Variants in NPAS1 observed in about 807,000 individuals in gnomAD.
The protein encoded by NPAS1 is neuronal PAS domain-containing protein 1.
In NPAS1, 29 loss-of-function variants were observed where a neutral mutation model predicts 49.2. The observed-to-expected ratio is 0.59, with a 90% CI of 0.44 to 0.80. The LOEUF (loss-of-function observed/expected upper bound fraction) is 0.80, where lower values mean the gene tolerates loss of function less well. Ranked by LOEUF, NPAS1 falls within the 30% of genes least tolerant of loss-of-function variation. NPAS1 has a pLI of 0.00. For synonymous variants in NPAS1, 408 were observed against 380.4 expected (o/e 1.07, Z -0.84); for missense variants, 825 against 835.5 (o/e 0.99, Z 0.15).
chr19:47,021,200 GCCCCCC>G lies in NPAS1; in HGVS notation c.122+35_122+40del. On this transcript the variant is annotated intron_variant, in intron 2 of 11. Transcript: ENST00000602212. This position sits in a 1 kb window ranked among gnomAD's most constrained non-coding sequence, Gnocchi z 5.7. ...CAAAGCCCCGCCCCCCTGGCCGCGG[GCCCCCC>G]CCCGGGTCCAATTCACACCCGATGT... The G allele has an allele frequency of 1.4e-6, 2 of 1,423,006 alleles. No homozygotes were observed. Among genetic ancestry groups the G allele is most frequent in the Non-Finnish European group, 1.9e-6 (2 of 1,068,856 alleles). 88.1% of individuals were successfully genotyped at this position (1,423,006 alleles called of 1,614,324 possible).
In NPAS1 at chr19:47,021,859, T is replaced by A; in HGVS notation, c.358+12T>A. 7.0e-7 allele frequency: 1 copy of A among 1,437,362 alleles called. No homozygotes were observed. Among genetic ancestry groups the A allele is most frequent in the Non-Finnish European group, 9.1e-7 (1 of 1,098,816 alleles). 89.0% of individuals were successfully genotyped at this position (1,437,362 alleles called of 1,614,324 possible). ...GCCAGCTGGCCTCGGTGAGTGCTCA[T>A]GCGCGGGGCGAGGGTCCCGGGGCCC... On this transcript the variant is annotated intron_variant, in intron 3 of 11. Transcript: ENST00000602212. The surrounding 1 kb of genome is among the most constrained non-coding windows in gnomAD (Gnocchi z 5.7).
intron 3 of NPAS1, among the ~76,000 whole-genome samples, chr19:47,027,310 TG>T: frequency 8.3e-6 from 1 of 120,548 alleles, no homozygotes; most frequent in Non-Finnish European, 1.8e-5. Flanking sequence ...CCTTGGCTTC[TG>T]CCTTCTGCCC....
In NPAS1 at chr19:47,019,884, T is replaced by TGCGCCCCGC. The variant is rs2056827576; in HGVS notation, c.-147_-139dup. 2.8e-6 allele frequency: 1 copy of TGCGCCCCGC among 354,858 alleles called. No individual in the cohort carries two copies. Among genetic ancestry groups the TGCGCCCCGC allele is most frequent in the Admixed American group, 4.7e-5 (1 of 21,186 alleles). The allele number at this position is 354,858 out of a possible 1,614,324, so 22.0% of individuals were successfully genotyped here. On this transcript the variant is annotated 5_prime_UTR_variant, in exon 1 of 12. Transcript: ENST00000602212. Reference sequence around the variant, plus strand: ...GGGCGCCACAGCCCGCGCGTCCCGCTGCGCCCCGCGCGCCCCGGGGTCTAT... The same window carrying TGCGCCCCGC: ...GGGCGCCACAGCCCGCGCGTCCCGCTGCGCCCCGCGCGCCCCGCGCGCCCCGGGGTCTAT...
intron 5 of NPAS1, among the ~76,000 whole-genome samples, chr19:47,034,904 AGGC>A: frequency 6.7e-6 from 1 of 150,016 alleles, no homozygotes; most frequent in Non-Finnish European, 1.5e-5. Flanking sequence ...AAAAAAGTCC[AGGC>A]GCGGTGGCTC....
chr19:47,023,853 T>C (rs893672159), intron 3 of NPAS1, among the ~76,000 whole-genome samples: 2 of 152,118 alleles, frequency 1.3e-5, no homozygotes, highest in African/African-American at 4.8e-5. Flanking sequence ...ACACCTGTAA[T>C]CCCAGCACTT....
chr19:47,026,475 C>T lies in NPAS1; in HGVS notation c.358+4628C>T, dbSNP rs377646913. On this transcript the variant is annotated intron_variant, in intron 3 of 11. Transcript: ENST00000602212. Reference sequence around the variant, plus strand: ...AGTAGGAGCCCAGTGAGGATGAGGACGTGGTGGTCCAGCCAGGGCAGCTAG... The same window carrying T: ...AGTAGGAGCCCAGTGAGGATGAGGATGTGGTGGTCCAGCCAGGGCAGCTAG... 1.6e-4 allele frequency among the ~76,000 whole-genome samples: 24 copies of T among 152,246 alleles called. No homozygotes were observed. In the South Asian group the frequency reaches 2.9e-3, roughly 18 times the overall value.
Position 47,024,538 on chromosome 19 carries a change from T to C in NPAS1, c.358+2691T>C, listed in dbSNP as rs562556692. 2.0e-5 allele frequency among the ~76,000 whole-genome samples: 3 copies of C among 152,280 alleles called. No individual in the cohort carries two copies. In the East Asian group the frequency reaches 5.8e-4, roughly 29 times the overall value. ...ACAAAAGATAAAATGACTTTCTTTTTCAGAGGGAGGCACTATTATGATTCC... is the reference window on the plus strand; with the variant it reads ...ACAAAAGATAAAATGACTTTCTTTTCCAGAGGGAGGCACTATTATGATTCC... On this transcript the variant is annotated intron_variant, in intron 3 of 11. Transcript: ENST00000602212.
In NPAS1 at chr19:47,019,964, C is replaced by T. The variant is rs2122411205; in HGVS notation, c.-76C>T. 2.5e-6 allele frequency: 1 copy of T among 395,298 alleles called. No individual in the cohort carries two copies. Among genetic ancestry groups the T allele is most frequent in the East Asian group, 3.6e-5 (1 of 27,824 alleles). The allele number at this position is 395,298 out of a possible 1,614,324, so 24.5% of individuals were successfully genotyped here. ...CCCCACGCCGCGCCCGGAGCCTGCTCTGCGGCCAAGTAATCGGACTGGCGG... is the reference window on the plus strand; with the variant it reads ...CCCCACGCCGCGCCCGGAGCCTGCTTTGCGGCCAAGTAATCGGACTGGCGG... On this transcript the variant is annotated 5_prime_UTR_variant, in exon 1 of 12. Coordinates refer to ENST00000602212, the MANE Select transcript of NPAS1 (RefSeq NM_002517.4).
chr19:47,033,027 C>CCAT (rs1568504079), intron 5 of NPAS1, among the ~76,000 whole-genome samples: 1 of 152,094 alleles, frequency 6.6e-6, no homozygotes, highest in African/African-American at 2.4e-5. Context: ...GCAACCTCCA[C>CCAT]CTCCCGGGTT....
chr19:47,026,729 T>C (rs1204544636), intron 3 of NPAS1, among the ~76,000 whole-genome samples: 2 of 152,024 alleles, frequency 1.3e-5, no homozygotes, highest in East Asian at 1.9e-4. Context: ...CCGAGGCAGG[T>C]GGATCACCTG....
At chr19:47,020,502 G>T (rs140033994) in intron 1 of NPAS1, among the ~76,000 whole-genome samples, 29 of 151,978 alleles carry the variant, frequency 1.9e-4, no homozygotes, top group Non-Finnish European at 2.8e-4. Flanking sequence ...CAGGATGGGG[G>T]TCCCTGCCCT....
intron 1 of NPAS1, 76 bp from the exon 2 acceptor site, chr19:47,020,930 C>G (rs868629130): frequency 1.7e-6 from 1 of 585,328 alleles, no homozygotes. Flanking sequence ...GGACCCTGAG[C>G]CCTGCACGGA....
chr19:47,032,484 T>A, intron 4 of NPAS1, 133 bp downstream of exon 4: 1 of 1,119,706 alleles, frequency 8.9e-7, no homozygotes, highest in Non-Finnish European at 1.3e-6. Context: ...TCAAGATCCC[T>A]CCACTCCCTG....
At position 47,039,021 on chromosome 19, in the gene NPAS1, C is replaced by T; in HGVS notation, c.689-15C>T. 1 of 1,611,288 alleles carries T rather than the reference C, an allele frequency of 6.2e-7. No individual in the cohort carries two copies. The highest frequency in any genetic ancestry group is 8.5e-7 in the Non-Finnish European group (1 of 1,177,440). ...TCTTCAGGACCCCATAACCTTCCTT[C>T]ACTCTCTGTCCCAGAGGCCAGCCTC... is the stretch of plus-strand genomic sequence containing the variant. On this transcript the variant is annotated splice_polypyrimidine_tract_variant and intron_variant, in intron 6 of 11. Coordinates refer to ENST00000602212, the MANE Select transcript of NPAS1 (RefSeq NM_002517.4).
At position 47,021,664 on chromosome 19, in the gene NPAS1, G is replaced by C; in HGVS notation, c.175G>C (p.Gly59Arg). ...CCGGAACGCGGCGCGCTCGCGGCGC[G>C]GGAAGGAGAACCTGGAGTTCTTCGA... ...KSRNAARSRRGKENLEFFELA... is the reference protein window; with the variant it reads ...KSRNAARSRRRKENLEFFELA... The change falls in exon 3 of 12, where the codon GGG becomes CGG. Residue 59 changes from glycine (G) to arginine (R), a missense_variant. Gly to Arg is a moderately radical substitution (Grantham distance 125, BLOSUM62 -2). Transcript: ENST00000602212. This position sits in a 1 kb window ranked among gnomAD's most constrained non-coding sequence, Gnocchi z 5.7. 6.4e-7 allele frequency: 1 copy of C among 1,558,100 alleles called. No homozygotes were observed. The highest frequency in any genetic ancestry group is 8.7e-7 in the Non-Finnish European group (1 of 1,153,176).
intron 6 of NPAS1, 105 bp downstream of exon 6, chr19:47,036,234 G>A (rs1202903774): frequency 1.6e-5 from 18 of 1,153,412 alleles, no homozygotes; most frequent in Non-Finnish European, 2.2e-5. Flanking sequence ...AGTGAAGTTA[G>A]AACTGTGTAG....
chr19:47,042,555 C>T (rs1243094804), intron 10 of NPAS1, among the ~76,000 whole-genome samples: 1 of 152,192 alleles, frequency 6.6e-6, no homozygotes, highest in Non-Finnish European at 1.5e-5. Context: ...GCATGAGGTG[C>T]CAGAGGACAC....
chr19:47,038,454 T>TCGCAGTAGGCCGAGATCGTGCCACTGCA (rs150780320), intron 6 of NPAS1, among the ~76,000 whole-genome samples: 21,095 of 142,232 alleles, frequency 0.15, 2,125 homozygotes, highest in East Asian at 0.49. Context: ...GAGACGGAGG[T>TCGCAGTAGGCCGAGATCGTGCCACTGCA]CGCAGTAGGC....
In NPAS1 at chr19:47,021,776, G is replaced by T. The variant is rs1232687347; in HGVS notation, c.287G>T (p.Arg96Leu). 3 of 1,534,690 alleles carry T rather than the reference G, an allele frequency of 2.0e-6. No individual in the cohort carries two copies. Among genetic ancestry groups the T allele is most frequent in the Non-Finnish European group, 2.6e-6 (3 of 1,141,352 alleles). ...GTGCGCCTCAGCGTCACCTACCTCC[G>T]CCTGCGCCGGTTCGCCGCGCTGGGG... ...SIVRLSVTYL[R>L]LRRFAALGAP... Residue 96 changes from arginine (R) to leucine (L), a missense_variant, in exon 3 of 12, where the codon CGC becomes CTC. Physicochemically the swap from Arg to Leu is moderately radical, Grantham distance 102. Coordinates refer to ENST00000602212, the MANE Select transcript of NPAS1 (RefSeq NM_002517.4). The surrounding 1 kb of genome is among the most constrained non-coding windows in gnomAD (Gnocchi z 5.7).
Sources: allele counts gnomAD v4.1 joint callset (sites outside exome capture counted in the v4.1 genomes callset), GRCh38; gene constraint gnomAD v4.1.1; non-coding constraint Gnocchi (gnomAD v3.1); transcripts MANE v1.5; gene names NCBI Gene and HGNC (gene_info 2026-07-23, HGNC 2026-07-21).